COL19A1: variants seen among roughly 807,000 people sequenced by gnomAD.
The protein encoded by COL19A1 is collagen alpha-1(XIX) chain.
COL19A1 carries 159 observed loss-of-function variants against 190.2 expected under a neutral mutation model. The observed-to-expected ratio is 0.84, with a 90% CI of 0.73 to 0.95. COL19A1 has a LOEUF of 0.95. Ranked by LOEUF, COL19A1 falls within the 40% of genes least tolerant of loss-of-function variation. The pLI is 0.00. For missense variants in COL19A1, 1,418 were observed against 1,431.9 expected, an observed-to-expected ratio of 0.99 and a Z score of 0.16; for synonymous variants, 509 against 458.9, an observed-to-expected ratio of 1.11 and a Z score of -1.39.
intron 11 of COL19A1, among the ~76,000 whole-genome samples, chr6:69,987,979 T>C (rs975230966): frequency 6.6e-6 from 1 of 152,172 alleles, no homozygotes; most frequent in Non-Finnish European, 1.5e-5. Flanking sequence ...AGATAATTAT[T>C]TGGACCCTTA....
At chr6:69,898,882 A>T in intron 2 of COL19A1, 66 bp from the exon 3 acceptor site, 2 of 913,928 alleles carry the variant, frequency 2.2e-6, no homozygotes, top group South Asian at 3.0e-5. Context: ...TAAGTTTCTG[A>T]TTGTACTGTG....
intron 49 of COL19A1, 196 bp downstream of exon 49, chr6:70,199,932 C>G (rs774017700): frequency 1.6e-5 from 8 of 514,652 alleles, no homozygotes; most frequent in Non-Finnish European, 2.4e-5. Context: ...AGATGTTTAA[C>G]TATTACTACT....
Position 69,932,823 on chromosome 6 carries a change from T to A in COL19A1, c.707T>A (p.Leu236His), listed in dbSNP as rs552754974. The A allele has an allele frequency of 1.0e-4, 168 of 1,609,238 alleles. 1 individual carries two copies. The South Asian group carries it at 1.7e-3, about 17-fold the overall frequency. The change falls in exon 7 of 51, where the codon CTC (leucine) becomes CAC (histidine). Residue 236 changes from leucine (L) to histidine (H), a missense_variant. Transcript: ENST00000620364. The part of the protein sequence containing the change: ...HQLKIYCSAN[L>H]IAQETCCEIS... ...CTTAAAATCTACTGCAGTGCAAACC[T>A]CATAGCTCAAGAAACATGTTGTGAA...
intron 14 of COL19A1, among the ~76,000 whole-genome samples, chr6:70,066,838 A>G (rs183571146): frequency 2.0e-5 from 3 of 152,202 alleles, no homozygotes; most frequent in African/African-American, 4.8e-5. Context: ...CATTTGTATT[A>G]TCAGATTTTT....
intron 16 of COL19A1, among the ~76,000 whole-genome samples, chr6:70,114,637 G>A (rs1388579070): frequency 2.6e-5 from 4 of 152,082 alleles, no homozygotes; most frequent in African/African-American, 9.7e-5. Context: ...TTTAGGAACT[G>A]ACATTTCCAA....
At chr6:70,163,900 G>A (rs3793060) in intron 36 of COL19A1, among the ~76,000 whole-genome samples, 2,308 of 152,276 alleles carry the variant, frequency 0.015, 98 homozygotes, top group East Asian at 0.15. Flanking sequence ...GTTCATAGAT[G>A]TCACCTACTA....
chr6:70,178,928 C>T (rs1032052957), intron 42 of COL19A1, among the ~76,000 whole-genome samples: 1 of 152,188 alleles, frequency 6.6e-6, no homozygotes, highest in Non-Finnish European at 1.5e-5. Flanking sequence ...TGCTCTCCCC[C>T]GGATGCTCTG....
chr6:69,894,658 C>A (rs998845724), intron 2 of COL19A1, among the ~76,000 whole-genome samples: 2 of 152,102 alleles, frequency 1.3e-5, no homozygotes, highest in Non-Finnish European at 2.9e-5. Flanking sequence ...AAGGACAGGC[C>A]TGGGAAAACA....
intron 7 of COL19A1, among the ~76,000 whole-genome samples, chr6:69,934,025 T>G (rs983825418): frequency 1.3e-5 from 2 of 152,054 alleles, no homozygotes; most frequent in African/African-American, 2.4e-5. Context: ...ATATGAAAAT[T>G]TTATCAACAA....
intron 14 of COL19A1, among the ~76,000 whole-genome samples, chr6:70,054,567 T>G (rs1207594128): frequency 1.3e-5 from 2 of 152,198 alleles, no homozygotes; most frequent in African/African-American, 4.8e-5. Flanking sequence ...ATAAGTAAAC[T>G]TTGAGTATTA....
chr6:70,150,153 G>T, intron 30 of COL19A1, 108 bp downstream of exon 30: 1 of 1,134,214 alleles, frequency 8.8e-7, no homozygotes, highest in Non-Finnish European at 1.3e-6. Context: ...CTCGGTGACT[G>T]CTTGGTGATT....
intron 4 of COL19A1, among the ~76,000 whole-genome samples, chr6:69,913,739 C>A (rs1771111295): frequency 6.6e-6 from 1 of 151,982 alleles, no homozygotes; most frequent in Non-Finnish European, 1.5e-5. Context: ...GGGGTTTGAA[C>A]TTTATTCATA....
chr6:70,181,390 C>T (rs1464054592), intron 44 of COL19A1, among the ~76,000 whole-genome samples: 2 of 152,070 alleles, frequency 1.3e-5, no homozygotes, highest in Non-Finnish European at 2.9e-5. Context: ...CACTTAAGTG[C>T]CATGACATAT....
At chr6:70,131,757 G>A (rs531562196) in intron 18 of COL19A1, among the ~76,000 whole-genome samples, 165 of 152,282 alleles carry the variant, frequency 1.1e-3, no homozygotes, top group African/African-American at 3.9e-3. Context: ...GTATTTAAAT[G>A]ATGATTCATT....
At chr6:70,183,734 A>C (rs1766326620) in intron 44 of COL19A1, among the ~76,000 whole-genome samples, 2 of 152,184 alleles carry the variant, frequency 1.3e-5, no homozygotes, top group South Asian at 4.1e-4. Flanking sequence ...TTTCAGCATA[A>C]TTTATAGCAG....
At chr6:70,078,805 A>T (rs1782053440) in intron 15 of COL19A1, among the ~76,000 whole-genome samples, 2 of 152,130 alleles carry the variant, frequency 1.3e-5, no homozygotes, top group Non-Finnish European at 2.9e-5. Context: ...AGTGGCTCAC[A>T]CCTGTAATCC....
intron 11 of COL19A1, among the ~76,000 whole-genome samples, chr6:69,985,567 G>GA (rs889157643): frequency 3.3e-5 from 5 of 150,620 alleles, no homozygotes; most frequent in East Asian, 1.9e-4. Context: ...TAGGACTTCT[G>GA]AAAAAAAAAG....
intron 42 of COL19A1, among the ~76,000 whole-genome samples, chr6:70,178,852 A>G (rs802182): frequency 0.76 from 115,854 of 152,010 alleles, 45,010 homozygotes; most frequent in African/African-American, 0.91. Context: ...CTCTGAGGAA[A>G]GCGTGTGGGT....
At chr6:70,191,519 A>G (rs763151305) in intron 48 of COL19A1, among the ~76,000 whole-genome samples, 3 of 152,204 alleles carry the variant, frequency 2.0e-5, no homozygotes, top group African/African-American at 2.4e-5. Flanking sequence ...AAAAGCCAAG[A>G]GTCAAGGATT....
Sources: gnomAD v4.1 joint callset for allele counts (sites outside exome capture counted in the v4.1 genomes callset) on GRCh38, gnomAD v4.1.1 for gene constraint, MANE v1.5 for transcripts, NCBI Gene and HGNC (gene_info 2026-07-23, HGNC 2026-07-21) for gene names.